The following CHD7 variants were observed in gnomAD, a reference collection of about 807,000 sequenced individuals.
CHD7 encodes ATP-dependent chromatin remodeler CHD7.
Under a neutral mutation model 307.3 loss-of-function variants are expected in CHD7, and 24 were observed. The ratio of observed to expected loss-of-function variants is 0.08; its 90% CI spans 0.06 to 0.11. CHD7 has a LOEUF of 0.11. Ranked by LOEUF, CHD7 falls within the 10% of genes least tolerant of loss-of-function variation. CHD7 has a pLI of 1.00. For synonymous variants in CHD7, 1,363 were observed against 1,349.9 expected (o/e 1.01, Z -0.21); for missense variants, 3,106 against 3,727.1 (o/e 0.83, Z 4.34).
chr8:60,762,712 A>G (rs1810275632), intron 2 of CHD7, among the ~76,000 whole-genome samples: 1 of 152,072 alleles, frequency 6.6e-6, no homozygotes, highest in African/African-American at 2.4e-5. Flanking sequence ...TGTTGCCCCC[A>G]CTGTACTCTG....
chr8:60,850,154 A>C (rs1410022969), intron 25 of CHD7, among the ~76,000 whole-genome samples: 1 of 152,208 alleles, frequency 6.6e-6, no homozygotes, highest in Non-Finnish European at 1.5e-5. Flanking sequence ...GTCATAAAGG[A>C]ACATTGCGAA....
chr8:60,836,790 C>T lies in CHD7; in HGVS notation c.3990-27C>T. ...AGTATGTTGTCGCTATGCGTCAGGC[C>T]TCCTTGTTCACACTGATGTTTTCTA... is the stretch of plus-strand genomic sequence containing the variant. On this transcript the variant is annotated intron_variant, in intron 16 of 37. Coordinates refer to ENST00000423902, the MANE Select transcript of CHD7 (RefSeq NM_017780.4). 3.2e-6 allele frequency: 5 copies of T among 1,585,558 alleles called. No individual in the cohort carries two copies. In the East Asian group the frequency reaches 6.8e-5, roughly 21 times the overall value.
intron 2 of CHD7, among the ~76,000 whole-genome samples, chr8:60,767,069 A>G (rs970571893): frequency 6.6e-6 from 1 of 152,218 alleles, no homozygotes; most frequent in African/African-American, 2.4e-5. Flanking sequence ...ATGTCATGCG[A>G]AGAAGCGAGG....
intron 1 of CHD7, among the ~76,000 whole-genome samples, chr8:60,696,672 T>G (rs945203020): frequency 2.6e-5 from 4 of 152,072 alleles, no homozygotes; most frequent in African/African-American, 9.7e-5. Context: ...AATTTTATAC[T>G]GCAAGGATTG....
chr8:60,851,356 G>T (rs761618737), intron 28 of CHD7, 37 bp downstream of exon 28: 1 of 1,473,000 alleles, frequency 6.8e-7, no homozygotes, highest in South Asian at 1.2e-5. Context: ...CCGAGCAGAC[G>T]TGCACTGAGC....
At chr8:60,683,501 G>A (rs1805732248) in intron 1 of CHD7, among the ~76,000 whole-genome samples, 1 of 152,160 alleles carries the variant, frequency 6.6e-6, no homozygotes. Context: ...ATGATAAAAA[G>A]AAGAAATAGA....
Position 60,867,910 on chromosome 8 carries a change from A to G in CHD7, c.*1977A>G, listed in dbSNP as rs1362633052. ...TTTTTTGAAAGGGAATTATTTGAAC[A>G]CGGGAAAGTGAAACTAGGTCTGCAT... On this transcript the variant is annotated 3_prime_UTR_variant, in exon 38 of 38. Transcript: ENST00000423902. 1.3e-5 allele frequency: 2 copies of G among 151,784 alleles called. No individual in the cohort carries two copies. Among genetic ancestry groups the G allele is most frequent in the Non-Finnish European group, 2.9e-5 (2 of 68,044 alleles). The allele number at this position is 151,784 out of a possible 1,614,324, so 9.4% of individuals were successfully genotyped here. A position where few individuals can be genotyped will look rare whatever the true frequency, so the allele number is the denominator to read the frequency against.
intron 23 of CHD7, among the ~76,000 whole-genome samples, 176 bp downstream of exon 23, chr8:60,845,585 C>A (rs183035210): frequency 3.3e-5 from 5 of 152,132 alleles, no homozygotes; most frequent in Admixed American, 2.6e-4. Context: ...ACCATACTCC[C>A]GCGGATATGG....
intron 2 of CHD7, among the ~76,000 whole-genome samples, chr8:60,766,376 T>C (rs1586292560): frequency 6.6e-6 from 1 of 152,212 alleles, no homozygotes; most frequent in East Asian, 1.9e-4. Context: ...GTGAGGACTT[T>C]AGATTTTTCT....
intron 4 of CHD7, among the ~76,000 whole-genome samples, chr8:60,799,796 G>A (rs1209412030): frequency 6.6e-6 from 1 of 152,104 alleles, no homozygotes; most frequent in Non-Finnish European, 1.5e-5. Context: ...TGGACATACT[G>A]ACTGACTGAG....
At chr8:60,682,779 GGGTTTGATAGCA>G (rs546167375) in intron 1 of CHD7, among the ~76,000 whole-genome samples, 56 of 152,254 alleles carry the variant, frequency 3.7e-4, no homozygotes, top group Middle Eastern at 6.8e-3. Context: ...ACAACCTTTT[GGGTTTGATAGCA>G]GACACCATGG....
intron 15 of CHD7, among the ~76,000 whole-genome samples, chr8:60,834,137 A>T (rs1804644935): frequency 6.6e-6 from 1 of 152,234 alleles, no homozygotes; most frequent in African/African-American, 2.4e-5. Flanking sequence ...GAATAAATTT[A>T]AAATTAAAAT....
chr8:60,695,228 A>G (rs187526052), intron 1 of CHD7, among the ~76,000 whole-genome samples: 8 of 152,340 alleles, frequency 5.3e-5, no homozygotes, highest in African/African-American at 1.9e-4. Flanking sequence ...AAGGTTTAGA[A>G]ATAAAGCTAC....
At chr8:60,808,115 C>G in intron 6 of CHD7, 102 bp from the exon 7 acceptor site, 1 of 825,860 alleles carries the variant, frequency 1.2e-6, no homozygotes, top group Non-Finnish European at 2.0e-6. Context: ...CTTTGCTGCT[C>G]TTTTCAGTCC....
chr8:60,714,978 G>A (rs1388608913), intron 1 of CHD7, among the ~76,000 whole-genome samples: 1 of 152,248 alleles, frequency 6.6e-6, no homozygotes, highest in Non-Finnish European at 1.5e-5. Context: ...GGAATATTCT[G>A]CCGGCAGCCA....
intron 1 of CHD7, among the ~76,000 whole-genome samples, chr8:60,707,692 A>C (rs1265681480): frequency 2.0e-5 from 3 of 152,202 alleles, no homozygotes; most frequent in African/African-American, 7.2e-5. Flanking sequence ...AAGTTTTTAA[A>C]TAGAAATTTA....
At chr8:60,849,272 T>C in intron 25 of CHD7, 118 bp downstream of exon 25, 1 of 574,612 alleles carries the variant, frequency 1.7e-6, no homozygotes, top group Non-Finnish European at 3.1e-6. Flanking sequence ...AAAGGACTCT[T>C]GGCGTCTACC....
chr8:60,819,527 A>T (rs890874252), intron 8 of CHD7, among the ~76,000 whole-genome samples: 1 of 152,212 alleles, frequency 6.6e-6, no homozygotes, highest in South Asian at 2.1e-4. Flanking sequence ...TCATGCTAAA[A>T]TATGAAATTA....
chr8:60,720,376 A>G (rs993869637), intron 1 of CHD7, among the ~76,000 whole-genome samples: 12 of 152,220 alleles, frequency 7.9e-5, no homozygotes, highest in African/African-American at 2.9e-4. Flanking sequence ...GGCCCCAGAA[A>G]GGCTGTATCA....
Sources: allele counts gnomAD v4.1 joint callset (sites outside exome capture counted in the v4.1 genomes callset), GRCh38; gene constraint gnomAD v4.1.1; transcripts MANE v1.5; gene names NCBI Gene and HGNC (gene_info 2026-07-23, HGNC 2026-07-21).